Variants in CDC42EP3 observed in about 807,000 individuals in gnomAD.
CDC42EP3 encodes CDC42 effector protein 3.
A neutral mutation model predicts 15.5 loss-of-function variants in CDC42EP3; 4 were observed. The observed-to-expected ratio is 0.26, with a 90% CI of 0.13 to 0.59. The LOEUF is 0.59. CDC42EP3 is among the 20% of genes least tolerant of loss of function. The pLI, the probability that CDC42EP3 is intolerant of heterozygous loss-of-function variation, is 0.89. For missense variants in CDC42EP3, 309 were observed against 311.2 expected, an observed-to-expected ratio of 0.99 and a Z score of 0.05; for synonymous variants, 145 against 130.3, an observed-to-expected ratio of 1.11 and a Z score of -0.77.
At chr2:37,668,960 C>G (rs1287673402) in intron 1 of CDC42EP3, among the ~76,000 whole-genome samples, 4 of 152,162 alleles carry the variant, frequency 2.6e-5, no homozygotes, top group Non-Finnish European at 5.9e-5. Flanking sequence ...AAATGGCTAT[C>G]CTTGTTCTCT....
Position 37,643,345 on chromosome 2 carries a change from CT to C in CDC42EP3, c.*2477del, listed in dbSNP as rs1283857925. 1 of 152,184 alleles carries C rather than the reference CT, an allele frequency of 6.6e-6. No individual in the cohort carries two copies. The highest frequency in any genetic ancestry group is 1.5e-5 in the Non-Finnish European group (1 of 68,032). The allele number at this position is 152,184 out of a possible 1,614,324, so 9.4% of individuals were successfully genotyped here. A position where few individuals can be genotyped will look rare whatever the true frequency, so the allele number is the denominator to read the frequency against. ...GGAAAGGCTGCCTCGGGAGAAGTGA[CT>C]CAACAAAATCATAAGCCGCATGTAG... is the stretch of plus-strand genomic sequence containing the variant. On this transcript the variant is annotated 3_prime_UTR_variant, in exon 2 of 2. Coordinates refer to ENST00000295324, the MANE Select transcript of CDC42EP3 (RefSeq NM_006449.5).
At chr2:37,648,738 A>AAAG (rs142594735) in intron 1 of CDC42EP3, among the ~76,000 whole-genome samples, 2,085 of 152,318 alleles carry the variant, frequency 0.014, 59 homozygotes, top group African/African-American at 0.049. Flanking sequence ...TGTGGTAACA[A>AAAG]AAGTTGAAGC....
intron 1 of CDC42EP3, among the ~76,000 whole-genome samples, chr2:37,656,990 AC>A (rs1558340416): frequency 0.033 from 1,394 of 42,354 alleles, 31 homozygotes; most frequent in African/African-American, 0.082. Flanking sequence ...CCCCCCCCCC[AC>A]CCCCCGCCCC....
At chr2:37,653,956 G>A (rs1157168824) in intron 1 of CDC42EP3, among the ~76,000 whole-genome samples, 1 of 152,144 alleles carries the variant, frequency 6.6e-6, no homozygotes, top group African/African-American at 2.4e-5. Flanking sequence ...ATCCTTCAGG[G>A]ACATTCCAGC....
chr2:37,644,082 G>A lies in CDC42EP3; in HGVS notation c.*1741C>T, dbSNP rs1335941128. 6.7e-6 allele frequency: 1 copy of A among 148,852 alleles called. No homozygotes were observed. The highest frequency in any genetic ancestry group is 1.5e-5 in the Non-Finnish European group (1 of 67,616). 9.2% of individuals were successfully genotyped at this position (148,852 alleles called of 1,614,324 possible). On this transcript the variant is annotated 3_prime_UTR_variant, in exon 2 of 2. Coordinates refer to ENST00000295324, the MANE Select transcript of CDC42EP3 (RefSeq NM_006449.5). ...TGTGGCCCAAGAAAATTCTTCCAAT[G>A]CGGTCCAGGGAAGCTAAAATATTGG...
intron 1 of CDC42EP3, among the ~76,000 whole-genome samples, chr2:37,667,470 T>G (rs1666282079): frequency 6.6e-6 from 1 of 152,142 alleles, no homozygotes; most frequent in South Asian, 2.1e-4. Flanking sequence ...CTTCACTTCA[T>G]CCCCAGCCAC....
intron 1 of CDC42EP3, among the ~76,000 whole-genome samples, chr2:37,650,763 A>G (rs1381908399): frequency 1.3e-5 from 2 of 152,236 alleles, no homozygotes; most frequent in Admixed American, 1.3e-4. Context: ...TTTAAAACAC[A>G]AATGTGTGGC....
Position 37,650,412 on chromosome 2 carries a change from G to C in CDC42EP3, c.-235-3590C>G, listed in dbSNP as rs577536844. On this transcript the variant is annotated intron_variant, in intron 1 of 1. Coordinates refer to ENST00000295324, the MANE Select transcript of CDC42EP3 (RefSeq NM_006449.5). ...ATAGTTTCTTCCCTAGCAAGAAGTG[G>C]CTGCTCCTGGAGAGGGTATGAGCAT... 5.3e-5 allele frequency among the ~76,000 whole-genome samples: 8 copies of C among 152,302 alleles called. No homozygotes were observed. In the East Asian group the frequency reaches 9.6e-4, roughly 18 times the overall value.
intron 1 of CDC42EP3, chr2:37,647,554 C>G (rs1665517997): frequency 6.6e-6 from 1 of 152,240 alleles, no homozygotes; most frequent in Non-Finnish European, 1.5e-5. Context: ...TTGTGAATCT[C>G]TATTACAGGC....
Position 37,643,397 on chromosome 2 carries a change from C to T in CDC42EP3, c.*2426G>A, listed in dbSNP as rs185507204. 1.3e-5 allele frequency: 2 copies of T among 152,268 alleles called. No individual in the cohort carries two copies. Among genetic ancestry groups the T allele is most frequent in the African/African-American group, 4.8e-5 (2 of 41,544 alleles). 9.4% of individuals were successfully genotyped at this position (152,268 alleles called of 1,614,324 possible). On this transcript the variant is annotated 3_prime_UTR_variant, in exon 2 of 2. Coordinates refer to ENST00000295324, the MANE Select transcript of CDC42EP3 (RefSeq NM_006449.5). ...CTTTGTTTCCTCTTTCTAATACGGGCATATTTATTGCCATCTCAATTATAC... is the reference window on the plus strand; with the variant it reads ...CTTTGTTTCCTCTTTCTAATACGGGTATATTTATTGCCATCTCAATTATAC...
intron 1 of CDC42EP3, among the ~76,000 whole-genome samples, chr2:37,662,447 C>T (rs1666086979): frequency 6.6e-6 from 1 of 152,210 alleles, no homozygotes; most frequent in South Asian, 2.1e-4. Context: ...TAACCTTACT[C>T]CTTTTAGACC....
chr2:37,672,464 T>C (rs1016793588), upstream of CDC42EP3: 4 of 152,208 alleles, frequency 2.6e-5, no homozygotes, highest in Non-Finnish European at 5.9e-5. Flanking sequence ...GTGGCGCAGC[T>C]GCCGGCCCGA....
chr2:37,671,270 G>A (rs575907338), intron 1 of CDC42EP3, among the ~76,000 whole-genome samples, 156 bp downstream of exon 1: 2 of 152,222 alleles, frequency 1.3e-5, no homozygotes, highest in African/African-American at 2.4e-5. Context: ...CCTTCGTTCC[G>A]TTGGACACTA....
intron 1 of CDC42EP3, among the ~76,000 whole-genome samples, chr2:37,664,356 G>C (rs932561848): frequency 1.3e-5 from 2 of 152,136 alleles, no homozygotes; most frequent in Non-Finnish European, 2.9e-5. Context: ...TCAGGCCTTT[G>C]GTCACAGACT....
rs530388004 is a variant in CDC42EP3, at chr2:37,661,491, T to G, written c.-236+9935A>C. ...GAGCTTCATTGTGCCAGTGGCTAAC[T>G]GGGGTCCAGAATTACCTGGACCGAG... On this transcript the variant is annotated intron_variant, in intron 1 of 1. Transcript: ENST00000295324. 3.3e-5 allele frequency among the ~76,000 whole-genome samples: 5 copies of G among 152,324 alleles called. No individual in the cohort carries two copies. In the South Asian group the frequency reaches 1.0e-3, roughly 32 times the overall value.
intron 1 of CDC42EP3, among the ~76,000 whole-genome samples, chr2:37,658,537 G>T (rs1572518121): frequency 6.6e-6 from 1 of 152,026 alleles, no homozygotes; most frequent in Admixed American, 6.5e-5. Flanking sequence ...TGCTTCCCTT[G>T]TCCCATATAA....
chr2:37,656,246 G>A (rs554435655), intron 1 of CDC42EP3, among the ~76,000 whole-genome samples: 12 of 152,310 alleles, frequency 7.9e-5, no homozygotes, highest in East Asian at 7.7e-4. Flanking sequence ...ACATCCTTGC[G>A]TTATTTGTAT....
At position 37,646,484 on chromosome 2, in the gene CDC42EP3, A is replaced by G; in HGVS notation, c.104T>C (p.Leu35Pro). Residue 35 changes from leucine (L) to proline (P), a missense_variant, in exon 2 of 2, where the codon CTT becomes CCT. By Grantham distance (98) the Leu-to-Pro change is moderately conservative. Transcript: ENST00000295324. ...ILSPDMISPP[L>P]GDFRHTIHIG... Reference sequence around the variant, plus strand: ...GTGGATGGTGTGGCGAAAGTCTCCAAGCGGGGGACTGATCATATCAGGAGA... The same window carrying G: ...GTGGATGGTGTGGCGAAAGTCTCCAGGCGGGGGACTGATCATATCAGGAGA... 1 of 1,613,988 alleles carries G rather than the reference A, an allele frequency of 6.2e-7. No individual in the cohort carries two copies. Among genetic ancestry groups the G allele is most frequent in the Non-Finnish European group, 8.5e-7 (1 of 1,179,954 alleles).
At chr2:37,666,396 A>G (rs1666251548) in intron 1 of CDC42EP3, among the ~76,000 whole-genome samples, 1 of 152,226 alleles carries the variant, frequency 6.6e-6, no homozygotes, top group African/African-American at 2.4e-5. Context: ...GGCTCGAGGT[A>G]CACTTTAGGC....
Sources: allele counts gnomAD v4.1 joint callset (sites outside exome capture counted in the v4.1 genomes callset), GRCh38; gene constraint gnomAD v4.1.1; transcripts MANE v1.5; gene names NCBI Gene and HGNC (gene_info 2026-07-23, HGNC 2026-07-21).